The following PGM3 variants were observed in gnomAD, a reference collection of about 807,000 sequenced individuals.
The protein encoded by PGM3 is phosphoacetylglucosamine mutase.
Under a neutral mutation model 66.2 loss-of-function variants are expected in PGM3, and 40 were observed. The observed-to-expected ratio is 0.60, with a 90% CI of 0.47 to 0.79. The LOEUF (loss-of-function observed/expected upper bound fraction) is 0.79, where lower values mean the gene tolerates loss of function less well. PGM3 is among the 30% of genes least tolerant of loss of function. The probability of loss-of-function intolerance (pLI) is 0.00; values close to 1 mark genes in which losing one functional copy is unlikely to be tolerated. For missense variants in PGM3, 537 were observed against 643.4 expected (o/e 0.83, Z 1.79); for synonymous variants, 191 against 224.2 (o/e 0.85, Z 1.32).
At position 83,169,271 on chromosome 6, in the gene PGM3, G is replaced by A. The variant is rs541410808; in HGVS notation, c.1592C>T (p.Ala531Val). Reference sequence around the variant, plus strand: ...TTGGGGCCTTTCTCCAATTCCTCCAGCCAGCTGAAATACTGCCAAGCTCAC... The same window carrying A: ...TTGGGGCCTTTCTCCAATTCCTCCAACCAGCTGAAATACTGCCAAGCTCAC... The part of the protein sequence containing the change: ...HEVSLAVFQL[A>V]GGIGERPQPG... The change falls in exon 13 of 13, where the codon GCT becomes GTT. Residue 531 changes from alanine (A) to valine (V), a missense_variant. Physicochemically the swap from Ala to Val is moderately conservative, Grantham distance 64 (BLOSUM62 0). Transcript: ENST00000513973. 6.2e-6 allele frequency: 10 copies of A among 1,613,968 alleles called. No homozygotes were observed. The highest frequency in any genetic ancestry group is 8.5e-6 in the Non-Finnish European group (10 of 1,179,884).
At chr6:83,164,680 GAC>G, downstream of PGM3, 1 of 1,586,672 alleles carries the variant, frequency 6.3e-7, no homozygotes, top group Middle Eastern at 1.7e-4. Context: ...AGGACTTTAA[GAC>G]AGTGATTTTG....
downstream of PGM3, chr6:83,164,779 C>A: frequency 7.1e-7 from 1 of 1,404,902 alleles, no homozygotes; most frequent in Non-Finnish European, 9.8e-7. Context: ...TATTGAGACA[C>A]AAACCCAGGT....
Position 83,169,019 on chromosome 6 carries a change from G to A in PGM3, c.*215C>T. ...AAGTCCCAGTATTTTACATTAGTGA[G>A]ACTGAAATTAGAGGTAAATTTCTTT... On this transcript the variant is annotated 3_prime_UTR_variant, in exon 13 of 13. Coordinates refer to ENST00000513973, the MANE Select transcript of PGM3 (RefSeq NM_015599.3). 1 of 1,350,340 alleles carries A rather than the reference G, an allele frequency of 7.4e-7. No homozygotes were observed. The highest frequency in any genetic ancestry group is 1.8e-5 in the South Asian group (1 of 54,720). The allele number at this position is 1,350,340 out of a possible 1,614,324, so 83.6% of individuals were successfully genotyped here. A position where few individuals can be genotyped will look rare whatever the true frequency, so the allele number is the denominator to read the frequency against.
chr6:83,179,889 G>A lies in PGM3; in HGVS notation c.866C>T (p.Ala289Val), dbSNP rs1788050190. The change falls in exon 7 of 13, where the codon GCA (alanine) becomes GTA (valine). Residue 289 changes from alanine to valine, a missense_variant. By Grantham distance (64) the Ala-to-Val change is moderately conservative. Transcript: ENST00000513973. ...ADRIVYYYHD[A>V]DGHFHLIDGD... ...ATCTATGAGATGAAAGTGGCCATCT[G>A]CATCATGGTAGTAATAAACAATTCT... The A allele has an allele frequency of 6.2e-7, 1 of 1,611,960 alleles. No individual in the cohort carries two copies. The highest frequency in any genetic ancestry group is 1.3e-5 in the African/African-American group (1 of 74,892).
At chr6:83,187,155 T>A in intron 3 of PGM3, 80 bp from the exon 4 acceptor site, 1 of 849,132 alleles carries the variant, frequency 1.2e-6, no homozygotes, top group Non-Finnish European at 2.0e-6. Flanking sequence ...AATGCAAAAA[T>A]TACATGCTAC....
At chr6:83,157,120 T>C (rs965672608), downstream of PGM3, 50 of 1,539,788 alleles carry the variant, frequency 3.2e-5, no homozygotes, top group Admixed American at 2.2e-4. Context: ...GGACCGACAA[T>C]ATAGAAAGTT....
chr6:83,158,327 C>A (rs114457896), downstream of PGM3, among the ~76,000 whole-genome samples: 702 of 152,216 alleles, frequency 4.6e-3, 6 homozygotes, highest in African/African-American at 0.016. Context: ...ATAACTAACT[C>A]TGTTCCATAA....
At chr6:83,151,691 G>C in the PGM3 span, 1 of 1,566,934 alleles carries the variant, frequency 6.4e-7, no homozygotes, top group Non-Finnish European at 8.6e-7. Context: ...TGCCAAAACT[G>C]TTTCTCAGTG....
At chr6:83,182,793 A>G in intron 5 of PGM3, 52 bp downstream of exon 5, 1 of 1,516,318 alleles carries the variant, frequency 6.6e-7, no homozygotes, top group African/African-American at 1.4e-5. Flanking sequence ...TCAGTAGACC[A>G]TGTTACTTTA....
rs987163630 is a variant in PGM3 at position 83,187,132 on chromosome 6, G to C, written c.390-57C>G. 9 of 1,114,950 alleles carry C rather than the reference G, an allele frequency of 8.1e-6. No individual in the cohort carries two copies. In the African/African-American group the frequency reaches 1.4e-4, roughly 17 times the overall value. 69.1% of individuals were successfully genotyped at this position (1,114,950 alleles called of 1,614,324 possible). ...CCATCCTGAAACTGGCAGGGTTGCT[G>C]GTTCTGCAAGCAAATGCAAAAATTA... On this transcript the variant is annotated intron_variant, in intron 3 of 12. Coordinates refer to ENST00000513973, the MANE Select transcript of PGM3 (RefSeq NM_015599.3).
the PGM3 span, chr6:83,151,857 A>G: frequency 1.2e-6 from 2 of 1,610,270 alleles, no homozygotes; most frequent in East Asian, 2.2e-5. Flanking sequence ...TGTACCATAC[A>G]TAGTTGTTCT....
intron 5 of PGM3, 144 bp downstream of exon 5, chr6:83,182,701 T>C: frequency 1.4e-6 from 1 of 709,940 alleles, no homozygotes; most frequent in South Asian, 1.9e-5. Context: ...GAACCTTGTG[T>C]AGCCCTAGAG....
the PGM3 span, chr6:83,153,840 A>G: frequency 1.3e-6 from 2 of 1,537,018 alleles, no homozygotes; most frequent in Middle Eastern, 1.7e-4. Context: ...GTATAACTTG[A>G]TAGGATGATT....
Position 83,167,702 on chromosome 6 carries a change from T to C in PGM3, c.*1532A>G. 1 of 1,394,454 alleles carries C rather than the reference T, an allele frequency of 7.2e-7. No individual in the cohort carries two copies. Among genetic ancestry groups the C allele is most frequent in the Non-Finnish European group, 9.3e-7 (1 of 1,077,570 alleles). 86.4% of individuals were successfully genotyped at this position (1,394,454 alleles called of 1,614,324 possible). A position where few individuals can be genotyped will look rare whatever the true frequency, so the allele number is the denominator to read the frequency against. ...AAAACTAATAAATGGCAGTAAAAGG[T>C]CTCAGAAGCACCAAGGGTTTTGATC... On this transcript the variant is annotated 3_prime_UTR_variant, in exon 13 of 13. Coordinates refer to ENST00000513973, the MANE Select transcript of PGM3 (RefSeq NM_015599.3).
chr6:83,158,474 T>C (rs933183558), downstream of PGM3: 91 of 964,760 alleles, frequency 9.4e-5, no homozygotes, highest in African/African-American at 1.4e-3. Context: ...ATTCTAAAAT[T>C]TGTTTTTGCG....
At chr6:83,177,845 G>A (rs964794735) in intron 8 of PGM3, among the ~76,000 whole-genome samples, 2 of 152,084 alleles carry the variant, frequency 1.3e-5, no homozygotes, top group African/African-American at 4.8e-5. Context: ...TTCAGCAAAA[G>A]TCCTGTTAGA....
intron 8 of PGM3, among the ~76,000 whole-genome samples, chr6:83,178,085 G>C (rs1787912371): frequency 6.6e-6 from 1 of 152,148 alleles, no homozygotes; most frequent in African/African-American, 2.4e-5. Context: ...TTTAACAAGT[G>C]TCATGAATTA....
intron 10 of PGM3, among the ~76,000 whole-genome samples, chr6:83,172,842 A>ATGAT (rs538958658): frequency 2.0e-5 from 3 of 152,320 alleles, no homozygotes; most frequent in South Asian, 2.1e-4. Context: ...GTGTAAAAAA[A>ATGAT]TGATTGATTG....
chr6:83,190,914 T>C lies in PGM3; in HGVS notation c.99A>G (p.Glu33=). ...YGTAGFRTKA[E]HLDHVMFRMG... ...TGCGAAACATGACATGATCAAGATG[T>C]TCTGCCTTCGTTCGAAATCCAGCAG... Residue 33 remains glutamate (E), a synonymous_variant, in exon 2 of 13, where the codon GAA becomes GAG. Transcript: ENST00000513973. The C allele has an allele frequency of 1.2e-6, 2 of 1,614,168 alleles. No individual in the cohort carries two copies. The highest frequency in any genetic ancestry group is 1.7e-6 in the Non-Finnish European group (2 of 1,179,988).
Sources: allele counts gnomAD v4.1 joint callset (sites outside exome capture counted in the v4.1 genomes callset), GRCh38; gene constraint gnomAD v4.1.1; transcripts MANE v1.5; gene names NCBI Gene and HGNC (gene_info 2026-07-23, HGNC 2026-07-21).